Variants in TRERF1 observed in about 807,000 individuals in gnomAD.
The protein encoded by TRERF1 is transcriptional regulating factor 1, also known as transcriptional-regulating factor 1.
A neutral mutation model predicts 122.9 loss-of-function variants in TRERF1; 27 were observed. The observed-to-expected ratio is 0.22, with a 90% CI of 0.16 to 0.30. The LOEUF is 0.30. TRERF1 is among the 10% of genes least tolerant of loss of function. The probability of loss-of-function intolerance (pLI) is 1.00; values close to 1 mark genes in which losing one functional copy is unlikely to be tolerated. For missense variants in TRERF1, 1,248 were observed against 1,560.3 expected (o/e 0.80, Z 3.37); for synonymous variants, 636 against 641.7 (o/e 0.99, Z 0.13).
intron 4 of TRERF1, among the ~76,000 whole-genome samples, chr6:42,278,122 A>G (rs1212344395): frequency 6.6e-6 from 1 of 152,178 alleles, no homozygotes; most frequent in Non-Finnish European, 1.5e-5. Flanking sequence ...GAGAGGCTGA[A>G]TAAAATCCAT....
chr6:42,361,127 G>C (rs1771670548), intron 3 of TRERF1, among the ~76,000 whole-genome samples: 1 of 152,202 alleles, frequency 6.6e-6, no homozygotes, highest in Non-Finnish European at 1.5e-5. Flanking sequence ...AAGCCCTCAT[G>C]AACAGGGTTA....
intron 2 of TRERF1, among the ~76,000 whole-genome samples, chr6:42,425,529 A>ATTTTTTTTTTTTTT (rs150820164): frequency 2.3e-5 from 1 of 44,050 alleles, no homozygotes; most frequent in Non-Finnish European, 3.7e-5. Flanking sequence ...CCCCCTGGGC[A>ATTTTTTTTTTTTTT]TTTTTTTTTT....
At chr6:42,326,756 G>A (rs1444866001) in intron 3 of TRERF1, among the ~76,000 whole-genome samples, 2 of 152,200 alleles carry the variant, frequency 1.3e-5, no homozygotes, top group African/African-American at 4.8e-5. Flanking sequence ...GCAAAACAAT[G>A]CTCTTGTATT....
At chr6:42,288,574 CA>C (rs3074797) in intron 4 of TRERF1, among the ~76,000 whole-genome samples, 4,314 of 86,516 alleles carry the variant, frequency 0.05, 135 homozygotes, top group African/African-American at 0.17. Context: ...ATCTCAAAAC[CA>C]AAAAAAAAAA....
intron 3 of TRERF1, among the ~76,000 whole-genome samples, chr6:42,324,221 G>T (rs770367042): frequency 6.6e-6 from 1 of 152,016 alleles, no homozygotes; most frequent in Non-Finnish European, 1.5e-5. Flanking sequence ...ATCTCTACAA[G>T]AACTACAAAA....
intron 2 of TRERF1, among the ~76,000 whole-genome samples, chr6:42,429,124 AC>A (rs1042635769): frequency 2.6e-5 from 4 of 152,176 alleles, no homozygotes; most frequent in African/African-American, 9.7e-5. Context: ...AAACTAAGTC[AC>A]ACCCAAGGAG....
chr6:42,263,305 G>T lies in TRERF1; in HGVS notation c.1884+15C>A. ...CCCCTTGGGGTGAGTGTGGGGGAGA[G>T]AGGGTCATCCTCACGAGCACAGGCA... is the stretch of plus-strand genomic sequence containing the variant. On this transcript the variant is annotated intron_variant, in intron 8 of 17. Coordinates refer to ENST00000372922, the Ensembl canonical transcript of TRERF1. The surrounding 1 kb of genome is among the most constrained non-coding windows in gnomAD (Gnocchi z 5.6). 6 of 1,604,964 alleles carry T rather than the reference G, an allele frequency of 3.7e-6. No individual in the cohort carries two copies. The highest frequency in any genetic ancestry group is 5.1e-6 in the Non-Finnish European group (6 of 1,175,194).
chr6:42,364,453 A>G (rs139312626), intron 2 of TRERF1, among the ~76,000 whole-genome samples: 1 of 152,240 alleles, frequency 6.6e-6, no homozygotes, highest in African/African-American at 2.4e-5. Flanking sequence ...GAGCAGGGAC[A>G]TCGTATTATG....
At chr6:42,243,009 G>A (rs892695524) in intron 15 of TRERF1, among the ~76,000 whole-genome samples, 1 of 152,138 alleles carries the variant, frequency 6.6e-6, no homozygotes, top group African/African-American at 2.4e-5. Flanking sequence ...GCCTTGAAGC[G>A]GGCACCAGCC....
chr6:42,431,504 C>G (rs148899495), intron 2 of TRERF1, among the ~76,000 whole-genome samples: 3 of 152,306 alleles, frequency 2.0e-5, no homozygotes, highest in Non-Finnish European at 4.4e-5. Flanking sequence ...GCGCTTAATC[C>G]TTTCATTCCC....
chr6:42,379,498 T>G (rs1775533442), intron 2 of TRERF1, among the ~76,000 whole-genome samples: 1 of 152,146 alleles, frequency 6.6e-6, no homozygotes, highest in Non-Finnish European at 1.5e-5. Context: ...TTTCAACAGA[T>G]AGATACTGGG....
chr6:42,364,942 C>T (rs368242431), intron 2 of TRERF1, among the ~76,000 whole-genome samples: 1 of 152,270 alleles, frequency 6.6e-6, no homozygotes, highest in East Asian at 1.9e-4. Flanking sequence ...AGAGGGTTCT[C>T]TCTGGCCAGG....
intron 2 of TRERF1, among the ~76,000 whole-genome samples, chr6:42,436,188 G>A (rs1186817692): frequency 6.6e-6 from 1 of 151,762 alleles, no homozygotes; most frequent in Non-Finnish European, 1.5e-5. Flanking sequence ...CTAACACAGT[G>A]AAACCTCGTC....
At chr6:42,297,691 A>G (rs1181267402) in intron 4 of TRERF1, among the ~76,000 whole-genome samples, 2 of 152,198 alleles carry the variant, frequency 1.3e-5, no homozygotes, top group Non-Finnish European at 2.9e-5. Context: ...AAAAGCCTTA[A>G]CTAGAAAATT....
intron 17 of TRERF1, among the ~76,000 whole-genome samples, chr6:42,230,444 G>A (rs747025378): frequency 6.6e-6 from 1 of 151,828 alleles, no homozygotes; most frequent in Non-Finnish European, 1.5e-5. Flanking sequence ...ATCATCCTCT[G>A]TCTCCACCTG....
intron 2 of TRERF1, among the ~76,000 whole-genome samples, chr6:42,375,003 CAAAAAAAA>C (rs55696342): frequency 8.1e-4 from 71 of 87,506 alleles, no homozygotes; most frequent in African/African-American, 3.0e-3. Flanking sequence ...AAGATTCTGT[CAAAAAAAA>C]AAAAAAAAAA....
At chr6:42,291,634 C>T (rs372392512) in intron 4 of TRERF1, among the ~76,000 whole-genome samples, 2 of 151,802 alleles carry the variant, frequency 1.3e-5, no homozygotes, top group African/African-American at 2.4e-5. Context: ...CCTGGGTTCA[C>T]GCCATTCTCC....
intron 2 of TRERF1, among the ~76,000 whole-genome samples, chr6:42,435,678 T>C (rs1785199698): frequency 6.6e-6 from 1 of 151,934 alleles, no homozygotes; most frequent in African/African-American, 2.4e-5. Context: ...TAGGGACTAG[T>C]TAAATAAGTT....
chr6:42,343,286 C>T (rs1453760697), intron 3 of TRERF1, among the ~76,000 whole-genome samples: 1 of 152,170 alleles, frequency 6.6e-6, no homozygotes, highest in Non-Finnish European at 1.5e-5. Context: ...CTTTAAAATG[C>T]TGATAGCATG....
Sources: allele counts gnomAD v4.1 joint callset (sites outside exome capture counted in the v4.1 genomes callset), GRCh38; gene constraint gnomAD v4.1.1; non-coding constraint Gnocchi (gnomAD v3.1); transcripts MANE v1.5; gene names NCBI Gene and HGNC (gene_info 2026-07-23, HGNC 2026-07-21).